Variants in SYNDIG1 observed in about 807,000 individuals in gnomAD.
The protein encoded by SYNDIG1 is synapse differentiation inducing 1.
A neutral mutation model predicts 19.4 loss-of-function variants in SYNDIG1; 9 were observed. That is an observed-to-expected ratio of 0.46 (90% confidence interval 0.28 to 0.81). The LOEUF (loss-of-function observed/expected upper bound fraction) is 0.81. Among genes scored for constraint, SYNDIG1 ranks in the 30% least tolerant of loss-of-function variants. SYNDIG1 has a pLI of 0.12. For synonymous variants in SYNDIG1, 141 were observed against 145.9 expected, an observed-to-expected ratio of 0.97 and a Z score of 0.24; for missense variants, 311 against 343.3, an observed-to-expected ratio of 0.91 and a Z score of 0.74.
At chr20:24,583,555 T>C (rs943817119) in intron 2 of SYNDIG1, among the ~76,000 whole-genome samples, 1 of 152,202 alleles carries the variant, frequency 6.6e-6, no homozygotes, top group Non-Finnish European at 1.5e-5. Context: ...AGGGTGGCCC[T>C]GGCGTTTGGA....
At chr20:24,644,924 C>T (rs546107830) in intron 3 of SYNDIG1, among the ~76,000 whole-genome samples, 1 of 152,162 alleles carries the variant, frequency 6.6e-6, no homozygotes, top group Admixed American at 6.5e-5. Flanking sequence ...TCAAAGACCC[C>T]ATGACACAGT....
intron 3 of SYNDIG1, among the ~76,000 whole-genome samples, chr20:24,588,776 T>C (rs2058459601): frequency 6.6e-6 from 1 of 152,194 alleles, no homozygotes; most frequent in Non-Finnish European, 1.5e-5. Flanking sequence ...GTTGTGAATA[T>C]TGCTGTCTTA....
intron 3 of SYNDIG1, among the ~76,000 whole-genome samples, chr20:24,589,294 G>T (rs2058468621): frequency 6.6e-6 from 1 of 152,150 alleles, no homozygotes; most frequent in African/African-American, 2.4e-5. Context: ...AGTTTCAAGG[G>T]ATTTAATAAG....
chr20:24,656,397 A>G (rs2059526227), intron 3 of SYNDIG1, among the ~76,000 whole-genome samples: 1 of 152,202 alleles, frequency 6.6e-6, no homozygotes, highest in Non-Finnish European at 1.5e-5. Flanking sequence ...TCATGATTTT[A>G]GGATCCTTCC....
At chr20:24,593,500 T>C (rs1468884355) in intron 3 of SYNDIG1, among the ~76,000 whole-genome samples, 1 of 152,202 alleles carries the variant, frequency 6.6e-6, no homozygotes, top group East Asian at 1.9e-4. Context: ...GATGAACATA[T>C]GCACGCATAT....
chr20:24,508,747 A>G (rs1342978174), intron 1 of SYNDIG1, among the ~76,000 whole-genome samples: 2 of 152,208 alleles, frequency 1.3e-5, no homozygotes, highest in Non-Finnish European at 2.9e-5. Flanking sequence ...AGCAATAAAT[A>G]TAGTTCTTCA....
intron 2 of SYNDIG1, among the ~76,000 whole-genome samples, chr20:24,575,604 T>C (rs1330498159): frequency 6.6e-6 from 1 of 152,214 alleles, no homozygotes; most frequent in African/African-American, 2.4e-5. Context: ...TTGTGTTTTA[T>C]TTAATTTATC....
intron 1 of SYNDIG1, among the ~76,000 whole-genome samples, chr20:24,511,435 G>A (rs2056740287): frequency 1.3e-5 from 2 of 152,188 alleles, no homozygotes; most frequent in Admixed American, 1.3e-4. Flanking sequence ...ACCACCCCAT[G>A]TTTTCCCTCA....
intron 3 of SYNDIG1, among the ~76,000 whole-genome samples, chr20:24,662,621 T>C (rs1487579145): frequency 6.6e-6 from 1 of 152,180 alleles, no homozygotes; most frequent in Non-Finnish European, 1.5e-5. Flanking sequence ...AGTGCAGAAA[T>C]AGTGTCTTTG....
chr20:24,474,819 C>T (rs1479018595), intron 1 of SYNDIG1, among the ~76,000 whole-genome samples: 1 of 152,244 alleles, frequency 6.6e-6, no homozygotes, highest in African/African-American at 2.4e-5. Flanking sequence ...CAGGCGCCCG[C>T]TTTCACACGT....
At position 24,486,096 on chromosome 20, in the gene SYNDIG1, T is replaced by A. The variant is rs148810490; in HGVS notation, c.-79+16343T>A. ...GGGTCCCCTATTCAGCCAGGGAGGGTCACCCCAGCTCTCAGTGACAGGCGT... is the reference window on the plus strand; with the variant it reads ...GGGTCCCCTATTCAGCCAGGGAGGGACACCCCAGCTCTCAGTGACAGGCGT... On this transcript the variant is annotated intron_variant, in intron 1 of 3. Transcript: ENST00000376862. 5.2e-3 allele frequency among the ~76,000 whole-genome samples: 792 copies of A among 152,136 alleles called. 5 individuals carry two copies. The highest frequency in any genetic ancestry group is 0.018 in the African/African-American group (746 of 41,480).
chr20:24,514,466 G>T (rs1336677645), intron 1 of SYNDIG1, among the ~76,000 whole-genome samples: 1 of 152,080 alleles, frequency 6.6e-6, no homozygotes, highest in African/African-American at 2.4e-5. Context: ...AAAGGCAGGG[G>T]TTGCAATCCT....
At chr20:24,511,916 C>T (rs1460253158) in intron 1 of SYNDIG1, among the ~76,000 whole-genome samples, 1 of 151,776 alleles carries the variant, frequency 6.6e-6, no homozygotes, top group Non-Finnish European at 1.5e-5. Context: ...TCTGTTCAGT[C>T]TCTAACTCAT....
At chr20:24,652,915 G>A (rs761928369) in intron 3 of SYNDIG1, among the ~76,000 whole-genome samples, 6 of 152,078 alleles carry the variant, frequency 3.9e-5, no homozygotes, top group African/African-American at 1.2e-4. Context: ...TCATTAACCC[G>A]CCCTGCAACA....
Position 24,543,260 on chromosome 20 carries a change from G to T in SYNDIG1, c.163G>T (p.Ala55Ser). 1 of 1,613,646 alleles carries T rather than the reference G, an allele frequency of 6.2e-7. No homozygotes were observed. Residue 55 changes from alanine (A) to serine (S), a missense_variant, in exon 2 of 4, where the codon GCC becomes TCC. By Grantham distance (99) the Ala-to-Ser change is moderately conservative. Coordinates refer to ENST00000376862, the MANE Select transcript of SYNDIG1 (RefSeq NM_024893.3). Reference protein sequence around the residue: ...APQYQSHRVGASTVPASLDSS... With the variant: ...APQYQSHRVGSSTVPASLDSS... ...CCAGTACCAGAGCCACCGGGTGGGG[G>T]CCAGCACAGTGCCGGCCAGCCTGGA...
intron 1 of SYNDIG1, among the ~76,000 whole-genome samples, chr20:24,472,445 G>A (rs1389134078): frequency 6.6e-6 from 1 of 152,134 alleles, no homozygotes; most frequent in East Asian, 1.9e-4. Context: ...CCAGACTTGA[G>A]TTATTTTTCT....
chr20:24,642,642 T>G (rs574289951), intron 3 of SYNDIG1, among the ~76,000 whole-genome samples: 1 of 152,316 alleles, frequency 6.6e-6, no homozygotes, highest in Non-Finnish European at 1.5e-5. Flanking sequence ...ATAATTTATT[T>G]GCTGCTTTGA....
intron 3 of SYNDIG1, among the ~76,000 whole-genome samples, chr20:24,601,982 A>G (rs942617404): frequency 7.0e-6 from 1 of 143,676 alleles, no homozygotes; most frequent in African/African-American, 2.6e-5. Flanking sequence ...ACCCATTATA[A>G]TATTGTTTTT....
intron 1 of SYNDIG1, among the ~76,000 whole-genome samples, chr20:24,472,772 A>G (rs1036904078): frequency 6.6e-6 from 1 of 152,198 alleles, no homozygotes. Context: ...GCCCCCTCCC[A>G]TTCTGCACAC....
Sources: allele counts gnomAD v4.1 joint callset (sites outside exome capture counted in the v4.1 genomes callset), GRCh38; gene constraint gnomAD v4.1.1; transcripts MANE v1.5; gene names NCBI Gene and HGNC (gene_info 2026-07-23, HGNC 2026-07-21).